The following PLCB1 variants were observed in gnomAD, a reference collection of about 807,000 sequenced individuals.
PLCB1 encodes the protein phospholipase C beta 1.
In PLCB1, 46 loss-of-function variants were observed where a neutral mutation model predicts 161.8. That is an observed-to-expected ratio of 0.28 (90% CI 0.22 to 0.36). The LOEUF (loss-of-function observed/expected upper bound fraction) is 0.36. Ranked by LOEUF, PLCB1 falls within the 10% of genes least tolerant of loss-of-function variation. PLCB1 has a pLI of 1.00. For synonymous variants in PLCB1, 517 were observed against 503.7 expected (o/e 1.03, Z -0.35); for missense variants, 1,016 against 1,472.5 (o/e 0.69, Z 5.07).
At chr20:8,312,837 G>GA (rs112040687) in intron 2 of PLCB1, among the ~76,000 whole-genome samples, 151 of 142,292 alleles carry the variant, frequency 1.1e-3, no homozygotes, top group Admixed American at 1.5e-3. Flanking sequence ...TTTCTCTATA[G>GA]AAAAAAAAAA....
At chr20:8,757,350 A>G (rs1050142279) in intron 24 of PLCB1, among the ~76,000 whole-genome samples, 172 bp downstream of exon 24, 4 of 152,232 alleles carry the variant, frequency 2.6e-5, no homozygotes, top group African/African-American at 7.2e-5. Flanking sequence ...GAAGAGAGTC[A>G]TATGTGCTCA....
chr20:8,857,014 T>TA (rs1987090537), intron 31 of PLCB1, among the ~76,000 whole-genome samples: 1 of 152,216 alleles, frequency 6.6e-6, no homozygotes, highest in African/African-American at 2.4e-5. Context: ...CTGCTGGTGA[T>TA]ACTGGTTGGA....
At chr20:8,680,005 T>C (rs1317534918) in intron 9 of PLCB1, among the ~76,000 whole-genome samples, 1 of 152,194 alleles carries the variant, frequency 6.6e-6, no homozygotes, top group Non-Finnish European at 1.5e-5. Context: ...ATCCATATAG[T>C]TTACTCATCC....
intron 3 of PLCB1, among the ~76,000 whole-genome samples, chr20:8,432,860 T>C (rs1488999182): frequency 3.3e-5 from 5 of 152,142 alleles, no homozygotes; most frequent in Non-Finnish European, 5.9e-5. Flanking sequence ...TAGAAAACAT[T>C]TCCTGTACTG....
intron 2 of PLCB1, among the ~76,000 whole-genome samples, chr20:8,362,104 C>G (rs552010892): frequency 1.3e-5 from 2 of 152,110 alleles, no homozygotes; most frequent in Non-Finnish European, 2.9e-5. Context: ...CAACATCATT[C>G]ATTCTTCATC....
intron 2 of PLCB1, among the ~76,000 whole-genome samples, chr20:8,340,628 G>A (rs1257969404): frequency 6.6e-6 from 1 of 151,978 alleles, no homozygotes; most frequent in Non-Finnish European, 1.5e-5. Context: ...GTTTCACTGT[G>A]TTAGCCAGGA....
chr20:8,213,692 G>GTGT (rs1568592427), intron 2 of PLCB1, among the ~76,000 whole-genome samples: 1 of 151,114 alleles, frequency 6.6e-6, no homozygotes, highest in African/African-American at 2.4e-5. Flanking sequence ...TGGTGGTGGT[G>GTGT]GTGTGTGTGT....
intron 3 of PLCB1, among the ~76,000 whole-genome samples, chr20:8,603,550 A>C (rs1342803862): frequency 6.6e-6 from 1 of 152,246 alleles, no homozygotes; most frequent in Non-Finnish European, 1.5e-5. Flanking sequence ...AAATTCACAG[A>C]TCAGTGTTTC....
At chr20:8,326,237 A>G (rs1173297354) in intron 2 of PLCB1, among the ~76,000 whole-genome samples, 12 of 152,224 alleles carry the variant, frequency 7.9e-5, no homozygotes. Flanking sequence ...GGGAAATTAT[A>G]TAGTGATATA....
intron 3 of PLCB1, among the ~76,000 whole-genome samples, chr20:8,523,484 CTCTCTCTCTCTCTA>C (rs1444351450): frequency 2.2e-4 from 13 of 59,864 alleles, no homozygotes; most frequent in Non-Finnish European, 3.3e-5. Flanking sequence ...CTCTCTCTCT[CTCTCTCTCTCTCTA>C]TATATATATA....
At chr20:8,402,561 G>T (rs77654614) in intron 3 of PLCB1, among the ~76,000 whole-genome samples, 1 of 151,888 alleles carries the variant, frequency 6.6e-6, no homozygotes, top group Non-Finnish European at 1.5e-5. Flanking sequence ...CAGGCCGGGC[G>T]TGGTGGCTCA....
intron 3 of PLCB1, among the ~76,000 whole-genome samples, chr20:8,541,600 G>GAAAGAAAGAACT (rs1292981718): frequency 6.6e-6 from 1 of 150,646 alleles, no homozygotes; most frequent in Non-Finnish European, 1.5e-5. Context: ...AAGAAAGAAA[G>GAAAGAAAGAACT]AAAGAAAGGA....
chr20:8,242,076 T>C (rs1410313118), intron 2 of PLCB1, among the ~76,000 whole-genome samples: 1 of 151,648 alleles, frequency 6.6e-6, no homozygotes, highest in African/African-American at 2.4e-5. Context: ...ATATTAGGAG[T>C]CAGGAGCTAG....
At chr20:8,514,372 G>A (rs770952227) in intron 3 of PLCB1, among the ~76,000 whole-genome samples, 14 of 151,200 alleles carry the variant, frequency 9.3e-5, no homozygotes, top group Non-Finnish European at 7.4e-5. Flanking sequence ...CCTGGGAGGC[G>A]GAGGTTGTAG....
intron 31 of PLCB1, among the ~76,000 whole-genome samples, chr20:8,794,000 C>T (rs933627828): frequency 1.3e-5 from 2 of 152,192 alleles, no homozygotes; most frequent in East Asian, 3.9e-4. Flanking sequence ...CGATATTTCT[C>T]CCATTTGCTT....
chr20:8,509,921 A>T (rs1983808225), intron 3 of PLCB1, among the ~76,000 whole-genome samples: 1 of 152,192 alleles, frequency 6.6e-6, no homozygotes, highest in Admixed American at 6.5e-5. Context: ...TACAAAAAAC[A>T]TTGCCATCTG....
intron 31 of PLCB1, among the ~76,000 whole-genome samples, chr20:8,819,699 G>A (rs1271554198): frequency 1.3e-5 from 2 of 152,094 alleles, no homozygotes; most frequent in Non-Finnish European, 2.9e-5. Flanking sequence ...CTGAGCACCT[G>A]ACACAAAATG....
intron 2 of PLCB1, among the ~76,000 whole-genome samples, chr20:8,188,533 C>T (rs2051931351): frequency 6.6e-6 from 1 of 152,020 alleles, no homozygotes; most frequent in African/African-American, 2.4e-5. Flanking sequence ...AAATTAGAAA[C>T]TAAAAGAGGA....
chr20:8,404,419 G>A (rs954855017), intron 3 of PLCB1, among the ~76,000 whole-genome samples: 3 of 152,128 alleles, frequency 2.0e-5, no homozygotes, highest in African/African-American at 7.2e-5. Flanking sequence ...TCTATGTAAA[G>A]CACATCTCCT....
Sources: allele counts gnomAD v4.1 joint callset (sites outside exome capture counted in the v4.1 genomes callset), GRCh38; gene constraint gnomAD v4.1.1; transcripts MANE v1.5; gene names NCBI Gene and HGNC (gene_info 2026-07-23, HGNC 2026-07-21).